The following DENND2B variants were observed in gnomAD, a reference collection of about 807,000 sequenced individuals.
DENND2B encodes DENN domain containing 2B, also known as DENN domain-containing protein 2B.
A neutral mutation model predicts 116.0 loss-of-function variants in DENND2B; 32 were observed. The observed-to-expected ratio is 0.28, with a 90% CI of 0.21 to 0.37. DENND2B has a LOEUF of 0.37. DENND2B is among the 10% of genes least tolerant of loss of function. The pLI, the probability that DENND2B is intolerant of heterozygous loss-of-function variation, is 1.00. For synonymous variants in DENND2B, 588 were observed against 583.9 expected (o/e 1.01, Z -0.10); for missense variants, 1,276 against 1,477.7 (o/e 0.86, Z 2.24).
At chr11:8,828,707 G>A (rs72849960) in intron 4 of DENND2B, among the ~76,000 whole-genome samples, 5,245 of 152,200 alleles carry the variant, frequency 0.034, 178 homozygotes, top group African/African-American at 0.078. Flanking sequence ...CTTCTGACCC[G>A]GATGGCTGAG....
chr11:8,828,049 G>A (rs2062045608), intron 4 of DENND2B, among the ~76,000 whole-genome samples: 1 of 152,176 alleles, frequency 6.6e-6, no homozygotes, highest in Non-Finnish European at 1.5e-5. Flanking sequence ...CCAACTGCTG[G>A]CTATGGAACT....
chr11:8,896,339 T>C (rs2064101192), intron 1 of DENND2B, among the ~76,000 whole-genome samples: 1 of 151,636 alleles, frequency 6.6e-6, no homozygotes, highest in Admixed American at 6.6e-5. Context: ...CTTAAGAGAG[T>C]CCAGAATTAT....
At chr11:8,813,038 A>T (rs1373019896), upstream of DENND2B, among the ~76,000 whole-genome samples, 1 of 151,786 alleles carries the variant, frequency 6.6e-6, no homozygotes, top group Non-Finnish European at 1.5e-5. Flanking sequence ...CCCACCTCAG[A>T]CTCCTGAGTA....
At chr11:8,724,169 A>C (rs1017981329) in intron 4 of DENND2B, among the ~76,000 whole-genome samples, 1 of 152,010 alleles carries the variant, frequency 6.6e-6, no homozygotes, top group African/African-American at 2.4e-5. Flanking sequence ...GGTGGCGGGC[A>C]CCTGTAGTCC....
At chr11:8,770,905 C>T (rs901643870) in intron 1 of DENND2B, among the ~76,000 whole-genome samples, 2 of 152,148 alleles carry the variant, frequency 1.3e-5, no homozygotes, top group African/African-American at 2.4e-5. Flanking sequence ...CAGGGAAGTA[C>T]GCACACCCCA....
In DENND2B at chr11:8,702,727, G is replaced by A. The variant is rs2041926669; in HGVS notation, c.2572-7C>T. The A allele has an allele frequency of 1.2e-6, 2 of 1,610,392 alleles. No homozygotes were observed. The highest frequency in any genetic ancestry group is 1.1e-5 in the South Asian group (1 of 91,032). ...GCCGCCGCAGCTCTAACACCTGCAGGAGAGCGATGGGAAAGTGGGCCGGGG... is the reference window on the plus strand; with the variant it reads ...GCCGCCGCAGCTCTAACACCTGCAGAAGAGCGATGGGAAAGTGGGCCGGGG... On this transcript the variant is annotated splice_polypyrimidine_tract_variant and splice_region_variant and intron_variant, in intron 13 of 19. Transcript: ENST00000313726. This position sits in a 1 kb window ranked among gnomAD's most constrained non-coding sequence, Gnocchi z 4.6.
chr11:8,902,477 T>A (rs2064182868), intron 1 of DENND2B, among the ~76,000 whole-genome samples: 1 of 152,256 alleles, frequency 6.6e-6, no homozygotes, highest in South Asian at 2.1e-4. Flanking sequence ...ATCTTCCAGA[T>A]GTAATGATTT....
chr11:8,892,941 C>CA (rs2064052695), intron 1 of DENND2B, among the ~76,000 whole-genome samples: 2 of 151,970 alleles, frequency 1.3e-5, no homozygotes, highest in Admixed American at 1.3e-4. Flanking sequence ...AGAGACACAA[C>CA]AAAAAAAGAG....
At position 8,702,708 on chromosome 11, in the gene DENND2B, G is replaced by A. The variant is rs1436982519; in HGVS notation, c.2584C>T (p.Arg862Trp). The change falls in exon 14 of 20, where the codon CGG (arginine) becomes TGG (tryptophan). Residue 862 changes from arginine (R) to tryptophan (W), a missense_variant. By Grantham distance (101) the Arg-to-Trp change is moderately radical. Transcript: ENST00000313726. The surrounding 1 kb of genome is among the most constrained non-coding windows in gnomAD (Gnocchi z 4.6). ...PGAGNEVLEL[R>W]RPMDSRLEHV... is the part of the protein sequence containing the mutation. ...TCCAGCCTTGAGTCCATGGGCCGCC[G>A]CAGCTCTAACACCTGCAGGAGAGCG... 1.1e-5 allele frequency: 17 copies of A among 1,613,222 alleles called. No individual in the cohort carries two copies. The East Asian group carries it at 2.2e-4, about 21-fold the overall frequency.
chr11:8,761,207 C>A (rs12795943), intron 1 of DENND2B, among the ~76,000 whole-genome samples: 4,513 of 152,316 alleles, frequency 0.03, 101 homozygotes, highest in Non-Finnish European at 0.045. Context: ...CAAAGGAAAT[C>A]TAGTTGTTTC....
intron 3 of DENND2B, among the ~76,000 whole-genome samples, chr11:8,851,536 G>A (rs1189510648): frequency 2.0e-5 from 3 of 152,090 alleles, no homozygotes; most frequent in African/African-American, 7.2e-5. Flanking sequence ...TCTCGCTCAC[G>A]CTAGTAGAAG....
At chr11:8,704,742 G>A (rs887739820) in intron 13 of DENND2B, among the ~76,000 whole-genome samples, 1 of 152,132 alleles carries the variant, frequency 6.6e-6, no homozygotes, top group East Asian at 1.9e-4. Context: ...TTGTCGCCCA[G>A]GCTGGAGTGC....
At chr11:8,858,509 T>C (rs752750194) in intron 2 of DENND2B, among the ~76,000 whole-genome samples, 2 of 151,758 alleles carry the variant, frequency 1.3e-5, no homozygotes, top group Non-Finnish European at 2.9e-5. Context: ...GAGAAGAGCA[T>C]CCTAGGAGCA....
At chr11:8,828,658 C>G (rs190110117) in intron 4 of DENND2B, among the ~76,000 whole-genome samples, 164 of 152,222 alleles carry the variant, frequency 1.1e-3, no homozygotes, top group African/African-American at 3.2e-3. Flanking sequence ...TCGGAGGTGA[C>G]CAGCTGCAGA....
intron 1 of DENND2B, among the ~76,000 whole-genome samples, chr11:8,908,469 T>C (rs2134773513): frequency 6.6e-6 from 1 of 152,362 alleles, no homozygotes; most frequent in East Asian, 1.9e-4. Context: ...CCAAGTACTA[T>C]AAATGCACTT....
At chr11:8,711,456 G>A (rs563366844) in intron 9 of DENND2B, among the ~76,000 whole-genome samples, 134 of 152,206 alleles carry the variant, frequency 8.8e-4, no homozygotes, top group South Asian at 2.1e-3. Context: ...GGTGCTATGC[G>A]CCAGGGCTCT....
chr11:8,744,222 C>G (rs991339415), intron 2 of DENND2B, among the ~76,000 whole-genome samples: 4 of 151,810 alleles, frequency 2.6e-5, no homozygotes, highest in Non-Finnish European at 4.4e-5. Flanking sequence ...CAACCTCCGC[C>G]TCCTGGGTTC....
At chr11:8,843,979 T>C (rs997908173) in intron 3 of DENND2B, among the ~76,000 whole-genome samples, 1 of 152,250 alleles carries the variant, frequency 6.6e-6, no homozygotes, top group Admixed American at 6.5e-5. Context: ...CCATTGTAAA[T>C]GTCTGTTTAT....
rs2041913689 is a variant in DENND2B, at chr11:8,702,636, G to C, written c.2656C>G (p.Leu886Val). ...CLFTCLSVRQ[L>V]IRIFASLLLE... ...AGCAGTGAGGCAAAGATTCGGATGA[G>C]CTGGCGCACACTGAGGCAGGTAAAA... Residue 886 changes from leucine to valine, a missense_variant, in exon 14 of 20, where the codon CTC becomes GTC. Leu to Val is a conservative substitution (Grantham distance 32). Around this residue, in one of 2 missense-constraint regions of DENND2B, gnomAD observed 420 missense variants for 631.1 expected, o/e 0.67. Coordinates refer to ENST00000313726, the MANE Select transcript of DENND2B (RefSeq NM_213618.2). This position sits in a 1 kb window ranked among gnomAD's most constrained non-coding sequence, Gnocchi z 4.6. The C allele has an allele frequency of 6.2e-7, 1 of 1,613,824 alleles. No homozygotes were observed. Among genetic ancestry groups the C allele is most frequent in the South Asian group, 1.1e-5 (1 of 91,084 alleles).
Sources: gnomAD v4.1 joint callset for allele counts (sites outside exome capture counted in the v4.1 genomes callset) on GRCh38, gnomAD v4.1.1 for gene constraint, gnomAD v4.1.1 regional missense constraint, Gnocchi (gnomAD v3.1) non-coding constraint, MANE v1.5 for transcripts, NCBI Gene and HGNC (gene_info 2026-07-23, HGNC 2026-07-21) for gene names.